IMMP1L: variants seen among roughly 807,000 people sequenced by gnomAD.
IMMP1L encodes the protein inner mitochondrial membrane peptidase subunit 1.
IMMP1L carries 24 observed loss-of-function variants against 21.8 expected under a neutral mutation model. The observed-to-expected ratio is 1.10, with a 90% CI of 0.80 to 1.55. The LOEUF (loss-of-function observed/expected upper bound fraction) is 1.55. Ranked by LOEUF, IMMP1L falls within the 40% of genes most tolerant of loss-of-function variation. IMMP1L has a pLI of 0.00. For synonymous variants in IMMP1L, 46 were observed against 62.8 expected, an observed-to-expected ratio of 0.73 and a Z score of 1.26; for missense variants, 195 against 200.7, an observed-to-expected ratio of 0.97 and a Z score of 0.17.
intron 1 of IMMP1L, among the ~76,000 whole-genome samples, chr11:31,497,952 A>G (rs1955506895): frequency 6.6e-6 from 1 of 152,206 alleles, no homozygotes; most frequent in Non-Finnish European, 1.5e-5. Context: ...GAGGGCAGAC[A>G]CAAATACTTC....
chr11:31,495,033 C>G (rs1353817817), intron 1 of IMMP1L, among the ~76,000 whole-genome samples: 13 of 152,184 alleles, frequency 8.5e-5, no homozygotes, highest in Admixed American at 8.5e-4. Flanking sequence ...TCATTTCTTT[C>G]AAGTTCAAAG....
intron 4 of IMMP1L, chr11:31,433,785 T>C (rs1478882234): frequency 3.1e-5 from 12 of 391,738 alleles, no homozygotes; most frequent in Middle Eastern, 6.7e-4. Flanking sequence ...CCTATCATCT[T>C]TTTTTGTCAT....
intron 3 of IMMP1L, among the ~76,000 whole-genome samples, 190 bp downstream of exon 3, chr11:31,460,436 A>G (rs1471749637): frequency 6.6e-6 from 1 of 152,214 alleles, no homozygotes; most frequent in Non-Finnish European, 1.5e-5. Flanking sequence ...AAGACACTGC[A>G]TATGTTTGAG....
intron 1 of IMMP1L, chr11:31,477,636 T>G (rs1954769125): frequency 1.5e-6 from 1 of 646,162 alleles, no homozygotes; most frequent in African/African-American, 2.0e-5. Context: ...GCCAGGTGGC[T>G]TTTTCTGCAG....
chr11:31,459,540 T>C (rs531425072), intron 3 of IMMP1L, among the ~76,000 whole-genome samples: 14 of 152,246 alleles, frequency 9.2e-5, no homozygotes, highest in African/African-American at 3.1e-4. Context: ...ATCATTCTCA[T>C]AGAGTTAATT....
intron 2 of IMMP1L, among the ~76,000 whole-genome samples, chr11:31,462,423 T>A (rs988292775): frequency 1.2e-4 from 17 of 144,610 alleles, no homozygotes; most frequent in South Asian, 2.2e-4. Context: ...AAACCTAATT[T>A]AAAAAAAAAA....
chr11:31,466,112 A>AT lies in IMMP1L; in HGVS notation c.-29-2808dup, dbSNP rs1371401632. On this transcript the variant is annotated intron_variant, in intron 1 of 5. Coordinates refer to ENST00000532287, the MANE Select transcript of IMMP1L (RefSeq NM_001304274.2). The stretch of plus-strand genomic sequence containing the variant: ...AAGTGGGCAAATGATCTGAATAGAC[A>AT]TTTTTCAAAAGAAAACATAGAAATG... 5.3e-5 allele frequency among the ~76,000 whole-genome samples: 8 copies of AT among 152,142 alleles called. No homozygotes were observed. The South Asian group carries it at 8.3e-4, about 16-fold the overall frequency.
At chr11:31,438,858 T>C (rs1200688809) in intron 4 of IMMP1L, among the ~76,000 whole-genome samples, 1 of 152,198 alleles carries the variant, frequency 6.6e-6, no homozygotes, top group Non-Finnish European at 1.5e-5. Context: ...TCTTCAGGTA[T>C]AACTATCTTC....
intron 1 of IMMP1L, among the ~76,000 whole-genome samples, chr11:31,465,641 T>C (rs1954309269): frequency 6.6e-6 from 1 of 151,974 alleles, no homozygotes; most frequent in African/African-American, 2.4e-5. Flanking sequence ...AATAAATCCA[T>C]GTATTTACAG....
chr11:31,439,706 C>T (rs754080513), intron 4 of IMMP1L, among the ~76,000 whole-genome samples: 15 of 152,136 alleles, frequency 9.9e-5, no homozygotes, highest in Non-Finnish European at 1.8e-4. Flanking sequence ...GTTAAGTTAG[C>T]GGCAGTCACC....
At position 31,433,572 on chromosome 11, in the gene IMMP1L, T is replaced by A; in HGVS notation, c.322-2A>T. 6.3e-7 allele frequency: 1 copy of A among 1,582,710 alleles called. No individual in the cohort carries two copies. The highest frequency in any genetic ancestry group is 8.6e-7 in the Non-Finnish European group (1 of 1,156,328). ...TAACCAAACATGACCCATTGGCACC[T>A]AGAATTAGAGAAGAAATGCAGCCTC... On this transcript the variant is annotated splice_acceptor_variant, in intron 4 of 5. Transcript: ENST00000532287. LOFTEE classifies it high-confidence loss of function.
intron 1 of IMMP1L, among the ~76,000 whole-genome samples, chr11:31,471,688 CTCT>C (rs757346029): frequency 2.0e-5 from 3 of 152,044 alleles, no homozygotes; most frequent in Non-Finnish European, 4.4e-5. Flanking sequence ...GAGCTCTTGC[CTCT>C]TGTTTTTATT....
At chr11:31,484,375 T>C (rs929354606) in intron 1 of IMMP1L, among the ~76,000 whole-genome samples, 2 of 151,934 alleles carry the variant, frequency 1.3e-5, no homozygotes, top group African/African-American at 4.8e-5. Context: ...TACTGTACAT[T>C]GTTTTGAATT....
Position 31,487,995 on chromosome 11 carries a change from T to C in IMMP1L, c.-30+21524A>G, listed in dbSNP as rs566329767. Among the ~76,000 whole-genome samples the C allele has an allele frequency of 5.3e-5, 8 of 152,278 alleles. No homozygotes were observed. The East Asian group carries it at 1.5e-3, about 29-fold the overall frequency. The stretch of plus-strand genomic sequence containing the variant: ...CTCCTTAGTGGGTCCAACTAACCAG[T>C]TATTTGCCCATCTATTAAGTGCCAA... On this transcript the variant is annotated intron_variant, in intron 1 of 5. Coordinates refer to ENST00000532287, the MANE Select transcript of IMMP1L (RefSeq NM_001304274.2).
chr11:31,441,511 C>G (rs149908464), intron 4 of IMMP1L, among the ~76,000 whole-genome samples: 2 of 152,090 alleles, frequency 1.3e-5, no homozygotes, highest in East Asian at 1.9e-4. Flanking sequence ...AACAAACATA[C>G]AGTAAAACAC....
At chr11:31,462,316 C>CAA (rs777053056) in intron 2 of IMMP1L, among the ~76,000 whole-genome samples, 10 of 71,964 alleles carry the variant, frequency 1.4e-4, no homozygotes, top group East Asian at 3.5e-4. Context: ...ACCCTGTCTC[C>CAA]AAAAAAAAAA....
At chr11:31,493,211 C>G (rs1430470138) in intron 1 of IMMP1L, among the ~76,000 whole-genome samples, 1 of 152,120 alleles carries the variant, frequency 6.6e-6, no homozygotes, top group Non-Finnish European at 1.5e-5. Flanking sequence ...TTATAAAGAA[C>G]AGAGGTTTAT....
chr11:31,480,528 CT>C (rs1216646827), intron 1 of IMMP1L, among the ~76,000 whole-genome samples: 2 of 151,952 alleles, frequency 1.3e-5, no homozygotes, highest in African/African-American at 4.8e-5. Context: ...TAAACATGTT[CT>C]TAAGGTACTA....
intron 1 of IMMP1L, among the ~76,000 whole-genome samples, chr11:31,466,570 T>C (rs983076340): frequency 6.6e-6 from 1 of 152,136 alleles, no homozygotes; most frequent in Non-Finnish European, 1.5e-5. Flanking sequence ...TGGAATACTA[T>C]TCAGCCACAA....
Sources: gnomAD v4.1 joint callset for allele counts (sites outside exome capture counted in the v4.1 genomes callset) on GRCh38, gnomAD v4.1.1 for gene constraint, MANE v1.5 for transcripts, NCBI Gene and HGNC (gene_info 2026-07-23, HGNC 2026-07-21) for gene names.